ZNF407: variants seen among roughly 807,000 people sequenced by gnomAD.
ZNF407 encodes the protein zinc finger protein 407.
Under a neutral mutation model 131.2 loss-of-function variants are expected in ZNF407, and 17 were observed. The ratio of observed to expected loss-of-function variants is 0.13; its 90% CI spans 0.09 to 0.19. The LOEUF is 0.19. Among genes scored for constraint, ZNF407 ranks in the 10% least tolerant of loss-of-function variants. The probability of loss-of-function intolerance (pLI) is 1.00; values close to 1 mark genes in which losing one functional copy is unlikely to be tolerated. For synonymous variants in ZNF407, 1,156 were observed against 1,062.0 expected, an observed-to-expected ratio of 1.09 and a Z score of -1.72; for missense variants, 2,681 against 2,830.6, an observed-to-expected ratio of 0.95 and a Z score of 1.20.
intron 7 of ZNF407, among the ~76,000 whole-genome samples, chr18:74,918,072 A>G (rs998525328): frequency 5.3e-5 from 8 of 152,140 alleles, no homozygotes; most frequent in Non-Finnish European, 7.4e-5. Context: ...TTTCCTTTTA[A>G]CTGTCATAAA....
chr18:74,639,436 C>CA (rs1984609022), intron 2 of ZNF407, among the ~76,000 whole-genome samples: 1 of 152,124 alleles, frequency 6.6e-6, no homozygotes. Context: ...ACACACCTTA[C>CA]AAAAGTCCCA....
chr18:74,958,466 G>A (rs935902636), intron 8 of ZNF407, among the ~76,000 whole-genome samples: 4 of 151,942 alleles, frequency 2.6e-5, no homozygotes, highest in African/African-American at 4.8e-5. Flanking sequence ...GAGGAGCCCC[G>A]TCATATACAC....
At chr18:75,060,059 G>A (rs1053284330) in intron 8 of ZNF407, 3 of 152,162 alleles carry the variant, frequency 2.0e-5, no homozygotes, top group South Asian at 2.1e-4. Context: ...GCATTCACAC[G>A]GCATGAGTAC....
intron 8 of ZNF407, among the ~76,000 whole-genome samples, chr18:74,975,079 G>C (rs560355590): frequency 6.6e-6 from 1 of 152,160 alleles, no homozygotes; most frequent in East Asian, 1.9e-4. Flanking sequence ...TATGTAAAGC[G>C]TAATTCTGAA....
chr18:74,721,917 C>T (rs933010966), intron 3 of ZNF407, among the ~76,000 whole-genome samples: 9 of 151,994 alleles, frequency 5.9e-5, no homozygotes, highest in African/African-American at 2.2e-4. Flanking sequence ...ATACTTTGAC[C>T]GTGTTATTCT....
intron 8 of ZNF407, among the ~76,000 whole-genome samples, chr18:75,003,893 A>G (rs987329055): frequency 2.0e-5 from 3 of 152,206 alleles, no homozygotes; most frequent in Middle Eastern, 3.2e-3. Context: ...CTTACACACT[A>G]TTCCAGCTCT....
intron 1 of ZNF407, among the ~76,000 whole-genome samples, chr18:74,617,190 A>ATATCCACACACCACACACATC (rs1983353841): frequency 4.1e-4 from 30 of 72,566 alleles, no homozygotes; most frequent in Admixed American, 6.5e-4. Flanking sequence ...ACACACATCG[A>ATATCCACACACCACACACATC]CACACTTTAC....
At chr18:74,676,162 G>A (rs1006292676) in intron 3 of ZNF407, among the ~76,000 whole-genome samples, 2 of 151,752 alleles carry the variant, frequency 1.3e-5, no homozygotes, top group African/African-American at 4.8e-5. Flanking sequence ...CACGATCTCG[G>A]CTCACTGCAA....
chr18:74,925,798 A>G (rs1971905552), intron 8 of ZNF407, among the ~76,000 whole-genome samples: 1 of 152,234 alleles, frequency 6.6e-6, no homozygotes, highest in Admixed American at 6.5e-5. Context: ...TTTTCCTGAC[A>G]TGATTGCCTT....
intron 8 of ZNF407, among the ~76,000 whole-genome samples, chr18:74,955,236 T>TA (rs1303497002): frequency 6.6e-6 from 1 of 151,998 alleles, no homozygotes; most frequent in Non-Finnish European, 1.5e-5. Flanking sequence ...GGAGAGTGTT[T>TA]ACACAGGCAC....
chr18:74,702,376 A>G (rs998502479), intron 3 of ZNF407, among the ~76,000 whole-genome samples: 18 of 152,182 alleles, frequency 1.2e-4, no homozygotes, highest in African/African-American at 4.1e-4. Context: ...CTTTTATACA[A>G]TAGCTGAAGA....
At chr18:75,026,008 A>C (rs1043180373) in intron 8 of ZNF407, among the ~76,000 whole-genome samples, 1 of 152,218 alleles carries the variant, frequency 6.6e-6, no homozygotes, top group South Asian at 2.1e-4. Context: ...ACTACGTAGA[A>C]GGTGTCTCTC....
chr18:74,882,605 A>T (rs1212110789), intron 6 of ZNF407, among the ~76,000 whole-genome samples: 1 of 152,224 alleles, frequency 6.6e-6, no homozygotes, highest in Non-Finnish European at 1.5e-5. Flanking sequence ...TTCATAAGAG[A>T]TATGAGTTAT....
At chr18:74,801,604 G>C (rs1209391302) in intron 4 of ZNF407, among the ~76,000 whole-genome samples, 1 of 152,170 alleles carries the variant, frequency 6.6e-6, no homozygotes. Context: ...CCCACCTGTA[G>C]TTCAAATGCA....
At chr18:74,613,969 T>C (rs531293533) in intron 1 of ZNF407, among the ~76,000 whole-genome samples, 33 of 152,350 alleles carry the variant, frequency 2.2e-4, no homozygotes, top group Non-Finnish European at 3.7e-4. Flanking sequence ...CTTCATGTTT[T>C]AGACCTAGAA....
At chr18:74,859,956 A>C (rs1449026692) in intron 4 of ZNF407, among the ~76,000 whole-genome samples, 1 of 152,180 alleles carries the variant, frequency 6.6e-6, no homozygotes, top group African/African-American at 2.4e-5. Context: ...TGTCCTCTCA[A>C]CACAGTTAAG....
intron 8 of ZNF407, among the ~76,000 whole-genome samples, chr18:75,039,718 CT>C (rs36086764): frequency 3.1e-4 from 35 of 111,942 alleles, no homozygotes; most frequent in African/African-American, 3.8e-4. Context: ...AGGGGCCAAG[CT>C]TTTTTTTTTT....
At chr18:75,028,009 G>A (rs1973191443) in intron 8 of ZNF407, among the ~76,000 whole-genome samples, 1 of 152,206 alleles carries the variant, frequency 6.6e-6, no homozygotes, top group African/African-American at 2.4e-5. Context: ...GACGTGATGA[G>A]CAGTTCTGTC....
At position 75,064,325 on chromosome 18, in the gene ZNF407, G is replaced by T. The variant is rs1259964954; in HGVS notation, c.6604G>T (p.Ala2202Ser). The T allele has an allele frequency of 1.3e-6, 2 of 1,597,866 alleles. No homozygotes were observed. The highest frequency in any genetic ancestry group is 2.3e-5 in the East Asian group (1 of 44,154). The change falls in exon 9 of 9, where the codon GCC (alanine) becomes TCC (serine). Residue 2202 changes from alanine (A) to serine (S), a missense_variant. Around this residue, in one of 6 missense-constraint regions of ZNF407, gnomAD observed 620 missense variants for 583.1 expected, o/e 1.06. Coordinates refer to ENST00000299687, the MANE Select transcript of ZNF407 (RefSeq NM_017757.3). The stretch of plus-strand genomic sequence containing the variant: ...TGCGGACTCGCAGGAACTCCTGCAG[G>T]CCGGGGCCACGCTAGGCACAGAGGC... ...ETADSQELLQAGATLGTEAGA... is the reference protein window; with the variant it reads ...ETADSQELLQSGATLGTEAGA...
Sources: gnomAD v4.1 joint callset for allele counts (sites outside exome capture counted in the v4.1 genomes callset) on GRCh38, gnomAD v4.1.1 for gene constraint, gnomAD v4.1.1 regional missense constraint, MANE v1.5 for transcripts, NCBI Gene and HGNC (gene_info 2026-07-23, HGNC 2026-07-21) for gene names.